LRPPRC: variants seen among roughly 807,000 people sequenced by gnomAD.
LRPPRC encodes leucine-rich PPR motif-containing protein, mitochondrial.
Under a neutral mutation model 180.3 loss-of-function variants are expected in LRPPRC, and 120 were observed. The observed-to-expected ratio is 0.67, with a 90% CI of 0.57 to 0.77. LRPPRC has a LOEUF of 0.77. LRPPRC is among the 30% of genes least tolerant of loss of function. The pLI is 0.00. For synonymous variants in LRPPRC, 723 were observed against 600.0 expected (o/e 1.21, Z -3.00); for missense variants, 2,012 against 1,657.2 (o/e 1.21, Z -3.72).
At chr2:43,973,355 TC>T (rs1284473069) in intron 11 of LRPPRC, among the ~76,000 whole-genome samples, 1 of 152,156 alleles carries the variant, frequency 6.6e-6, no homozygotes, top group African/African-American at 2.4e-5. Context: ...AAAACTACGT[TC>T]ATTAAGTTTG....
chr2:43,906,132 T>TC (rs1490623076), intron 30 of LRPPRC, among the ~76,000 whole-genome samples: 1 of 152,138 alleles, frequency 6.6e-6, no homozygotes, highest in African/African-American at 2.4e-5. Context: ...CTTTTTTTTT[T>TC]CTACATTCAC....
rs562880915 is a variant in LRPPRC at position 43,959,103 on chromosome 2, A to G, written c.1582+1438T>C. 2.4e-5 allele frequency: 16 copies of G among 654,266 alleles called. No individual in the cohort carries two copies. In the South Asian group the frequency reaches 2.6e-4, roughly 11 times the overall value. The allele number at this position is 654,266 out of a possible 1,614,324, so 40.5% of individuals were successfully genotyped here. On this transcript the variant is annotated intron_variant, in intron 13 of 37. Transcript: ENST00000260665. Reference sequence around the variant, plus strand: ...ACAAGCCTGAAAAATCAAGAGGTTGACAACGAAGTGGAATGGATGATATGA... The same window carrying G: ...ACAAGCCTGAAAAATCAAGAGGTTGGCAACGAAGTGGAATGGATGATATGA...
intron 14 of LRPPRC, among the ~76,000 whole-genome samples, chr2:43,956,130 T>C (rs1673104053): frequency 2.0e-5 from 3 of 149,964 alleles, no homozygotes; most frequent in Non-Finnish European, 4.4e-5. Flanking sequence ...CCTGGGCTCT[T>C]AAAAAACAAA....
intron 14 of LRPPRC, among the ~76,000 whole-genome samples, chr2:43,957,012 T>C (rs1673146483): frequency 6.6e-6 from 1 of 152,248 alleles, no homozygotes; most frequent in African/African-American, 2.4e-5. Context: ...TAACATTCTC[T>C]GAGCACACAG....
chr2:43,974,843 A>G (rs1673979796), intron 7 of LRPPRC, 85 bp from the exon 8 acceptor site: 20 of 1,373,772 alleles, frequency 1.5e-5, no homozygotes, highest in Middle Eastern at 3.6e-4. Flanking sequence ...CAGATTCAAA[A>G]AACTAGGGAA....
chr2:43,956,919 T>C (rs1411374948), intron 14 of LRPPRC, among the ~76,000 whole-genome samples: 2 of 152,120 alleles, frequency 1.3e-5, no homozygotes, highest in Non-Finnish European at 2.9e-5. Flanking sequence ...AAAAGGGTGG[T>C]ATGGGAGTAT....
At chr2:43,919,121 A>T (rs1671604619) in intron 27 of LRPPRC, among the ~76,000 whole-genome samples, 1 of 152,150 alleles carries the variant, frequency 6.6e-6, no homozygotes, top group African/African-American at 2.4e-5. Context: ...TTAGATTCTC[A>T]TAGGAGTGCC....
At chr2:43,949,063 G>C (rs1287383106) in intron 16 of LRPPRC, among the ~76,000 whole-genome samples, 1 of 152,100 alleles carries the variant, frequency 6.6e-6, no homozygotes, top group Non-Finnish European at 1.5e-5. Context: ...ATTTTCCTTT[G>C]CATTCAAGCA....
At chr2:43,937,039 G>C (rs1672302566) in intron 23 of LRPPRC, among the ~76,000 whole-genome samples, 1 of 152,120 alleles carries the variant, frequency 6.6e-6, no homozygotes, top group African/African-American at 2.4e-5. Context: ...TGCTTTTCCA[G>C]ATCAATTCCC....
chr2:43,992,196 A>G (rs1400812287), intron 1 of LRPPRC, among the ~76,000 whole-genome samples: 2 of 152,210 alleles, frequency 1.3e-5, no homozygotes, highest in African/African-American at 4.8e-5. Flanking sequence ...GATGGGGGAC[A>G]CCTGACTAAG....
rs137982581 is a variant in LRPPRC, at chr2:43,973,250, T to C, written c.1369+357A>G. On this transcript the variant is annotated intron_variant, in intron 11 of 37. Transcript: ENST00000260665. ...TACTTTTTGTTTTCATGAACCTAAT[T>C]GTATATACAACTTTATCTTTATTAA... 7.5e-4 allele frequency among the ~76,000 whole-genome samples: 114 copies of C among 152,298 alleles called. 3 individuals are homozygous for C. In the East Asian group the frequency reaches 0.021, roughly 28 times the overall value.
intron 11 of LRPPRC, among the ~76,000 whole-genome samples, chr2:43,967,803 A>G (rs1673628562): frequency 6.6e-6 from 1 of 152,234 alleles, no homozygotes; most frequent in East Asian, 1.9e-4. Context: ...AAGCCTAACA[A>G]TACTTGTAAG....
intron 25 of LRPPRC, 96 bp from the exon 26 acceptor site, chr2:43,926,057 G>T (rs953180062): frequency 2.7e-5 from 20 of 736,426 alleles, no homozygotes; most frequent in African/African-American, 1.2e-4. Flanking sequence ...TGAATTTGCT[G>T]CCAAATATAT....
In LRPPRC at chr2:43,916,864, A is replaced by C. The variant is rs115198762; in HGVS notation, c.3148+1161T>G. Among the ~76,000 whole-genome samples, 445 of 150,998 alleles carry C rather than the reference A, an allele frequency of 2.9e-3. 3 individuals are homozygous for C. The highest frequency in any genetic ancestry group is 0.017 in the Middle Eastern group (5 of 290). ...GGAAACTGAGGTAGGATAACTGCTT[A>C]AGCCCACGAGGCGGGGGCTGCAATG... On this transcript the variant is annotated intron_variant, in intron 29 of 37. Transcript: ENST00000260665.
Position 43,886,497 on chromosome 2 carries a change from A to C in LRPPRC, c.*2103T>G, listed in dbSNP as rs1035458371. The stretch of plus-strand genomic sequence containing the variant: ...TATTATACTTTAAATATTTATATTC[A>C]ATAGGGGAATCAATACAATACAAAA... On this transcript the variant is annotated 3_prime_UTR_variant, in exon 38 of 38. Transcript: ENST00000260665. 1 of 152,214 alleles carries C rather than the reference A, an allele frequency of 6.6e-6. No individual in the cohort carries two copies. The highest frequency in any genetic ancestry group is 2.4e-5 in the African/African-American group (1 of 41,454). 9.4% of individuals were successfully genotyped at this position (152,214 alleles called of 1,614,324 possible).
chr2:43,991,617 G>C (rs957262977), intron 1 of LRPPRC, among the ~76,000 whole-genome samples: 23 of 152,182 alleles, frequency 1.5e-4, no homozygotes, highest in African/African-American at 5.1e-4. Context: ...ATGTGACAAA[G>C]CAAGAGTATT....
intron 1 of LRPPRC, among the ~76,000 whole-genome samples, chr2:43,986,775 A>G (rs1052099363): frequency 2.0e-5 from 3 of 152,316 alleles, no homozygotes; most frequent in African/African-American, 7.2e-5. Context: ...TCTGGCTGCA[A>G]TTGGGTGTTC....
intron 6 of LRPPRC, among the ~76,000 whole-genome samples, 195 bp downstream of exon 6, chr2:43,975,948 T>G (rs1417928567): frequency 6.6e-6 from 1 of 152,244 alleles, no homozygotes; most frequent in South Asian, 2.1e-4. Flanking sequence ...AAGCTCATTA[T>G]AAAAATATTA....
At chr2:43,914,685 C>T (rs557891266) in intron 29 of LRPPRC, among the ~76,000 whole-genome samples, 8 of 151,720 alleles carry the variant, frequency 5.3e-5, no homozygotes, top group South Asian at 4.2e-4. Context: ...CTAAGATTTG[C>T]GCCACCGCAC....
Sources: gnomAD v4.1 joint callset for allele counts (sites outside exome capture counted in the v4.1 genomes callset) on GRCh38, gnomAD v4.1.1 for gene constraint, MANE v1.5 for transcripts, NCBI Gene and HGNC (gene_info 2026-07-23, HGNC 2026-07-21) for gene names.